The following PMFBP1 variants were observed in gnomAD, a reference collection of about 807,000 sequenced individuals.
PMFBP1 encodes the protein polyamine modulated factor 1 binding protein 1, also known as polyamine-modulated factor 1-binding protein 1.
Under a neutral mutation model 137.8 loss-of-function variants are expected in PMFBP1, and 131 were observed. The ratio of observed to expected loss-of-function variants is 0.95; its 90% CI spans 0.82 to 1.10. PMFBP1 has a LOEUF of 1.10. Among genes scored for constraint, PMFBP1 ranks in the 50% least tolerant of loss-of-function variants. The pLI, the probability that PMFBP1 is intolerant of heterozygous loss-of-function variation, is 0.00. For synonymous variants in PMFBP1, 490 were observed against 450.4 expected (o/e 1.09, Z -1.11); for missense variants, 1,199 against 1,175.4 (o/e 1.02, Z -0.29).
chr16:72,213,414 C>T, the PMFBP1 span, among the ~76,000 whole-genome samples: 1 of 152,182 alleles, frequency 6.6e-6, no homozygotes, highest in Non-Finnish European at 1.5e-5. Context: ...CACTTGCTTG[C>T]TCTGATGAAG....
At chr16:72,147,582 C>T (rs1471249436) in intron 5 of PMFBP1, among the ~76,000 whole-genome samples, 1 of 152,164 alleles carries the variant, frequency 6.6e-6, no homozygotes, top group Non-Finnish European at 1.5e-5. Context: ...GAGGCGTGAA[C>T]AGGCAACCTA....
chr16:72,200,211 C>T, the PMFBP1 span, among the ~76,000 whole-genome samples: 3 of 152,236 alleles, frequency 2.0e-5, no homozygotes, highest in Non-Finnish European at 4.4e-5. Context: ...CCTCTGACTC[C>T]TATCAGGGAC....
At chr16:72,189,359 C>T in the PMFBP1 span, among the ~76,000 whole-genome samples, 1 of 152,312 alleles carries the variant, frequency 6.6e-6, no homozygotes, top group East Asian at 1.9e-4. Context: ...ATGAATGGGA[C>T]AAGCTTGTTC....
the PMFBP1 span, among the ~76,000 whole-genome samples, chr16:72,229,982 G>A: frequency 1.3e-5 from 2 of 152,196 alleles, no homozygotes; most frequent in African/African-American, 4.8e-5. Context: ...ACACACCGCT[G>A]AAGGCTGGTG....
chr16:72,244,506 C>G, the PMFBP1 span, among the ~76,000 whole-genome samples: 1 of 152,290 alleles, frequency 6.6e-6, no homozygotes, highest in African/African-American at 2.4e-5. Flanking sequence ...TTCTCAGGTT[C>G]TACTGGGTCC....
At chr16:72,161,124 A>C (rs2043055943) in intron 3 of PMFBP1, among the ~76,000 whole-genome samples, 3 of 143,484 alleles carry the variant, frequency 2.1e-5, no homozygotes, top group African/African-American at 7.7e-5. Flanking sequence ...TTGAGATGGA[A>C]TCTCACTCTG....
the PMFBP1 span, among the ~76,000 whole-genome samples, chr16:72,184,233 G>A: frequency 6.6e-6 from 1 of 151,970 alleles, no homozygotes; most frequent in Admixed American, 6.6e-5. Flanking sequence ...GTTCTCTCTT[G>A]TCAGATTTCA....
the PMFBP1 span, among the ~76,000 whole-genome samples, chr16:72,198,914 A>G: frequency 6.6e-6 from 1 of 151,140 alleles, no homozygotes; most frequent in Non-Finnish European, 1.5e-5. Flanking sequence ...ATGAAGGCTG[A>G]TAAATCAGAA....
chr16:72,245,686 C>T, the PMFBP1 span, among the ~76,000 whole-genome samples: 1 of 152,192 alleles, frequency 6.6e-6, no homozygotes, highest in Non-Finnish European at 1.5e-5. Context: ...AGCCTGCTGT[C>T]ACAGGTGTAG....
the PMFBP1 span, among the ~76,000 whole-genome samples, chr16:72,187,260 A>G: frequency 6.6e-6 from 1 of 152,258 alleles, no homozygotes; most frequent in African/African-American, 2.4e-5. Context: ...ATGGTCCAGT[A>G]TCTTCCATCC....
In PMFBP1 at chr16:72,140,520, T is replaced by C; in HGVS notation, c.699A>G (p.Gln233=). The C allele has an allele frequency of 6.2e-7, 1 of 1,613,378 alleles. No homozygotes were observed. Among genetic ancestry groups the C allele is most frequent in the Non-Finnish European group, 8.5e-7 (1 of 1,179,294 alleles). Residue 233 remains glutamine (Q), a synonymous_variant, in exon 6 of 21, where the codon CAA becomes CAG. Coordinates refer to ENST00000237353, the MANE Select transcript of PMFBP1 (RefSeq NM_031293.3). ...GTCGTTTCTGAGTCTCCTGATGCTC[T>C]TGAATCATGCAAGGAGAAGTGTATA... ...VRIYTSPCMI[Q]EHQETQKRLS... is the part of the protein sequence containing the mutation.
At chr16:72,156,046 G>A (rs1273777069) in intron 3 of PMFBP1, among the ~76,000 whole-genome samples, 1 of 152,124 alleles carries the variant, frequency 6.6e-6, no homozygotes, top group African/African-American at 2.4e-5. Context: ...GAGTGTAGTG[G>A]TGTGATCTTG....
the PMFBP1 span, among the ~76,000 whole-genome samples, chr16:72,211,919 C>A: frequency 6.6e-6 from 1 of 152,054 alleles, no homozygotes; most frequent in Non-Finnish European, 1.5e-5. Context: ...ACTGCTTGAG[C>A]CTGGGAGGCA....
At chr16:72,135,367 T>TG (rs1447559734) in intron 9 of PMFBP1, among the ~76,000 whole-genome samples, 6 of 120,016 alleles carry the variant, frequency 5.0e-5, no homozygotes, top group Non-Finnish European at 1.2e-4. Flanking sequence ...GTGTTTTTTT[T>TG]TTTTTTTTTT....
At chr16:72,229,122 A>T in the PMFBP1 span, among the ~76,000 whole-genome samples, 1 of 151,916 alleles carries the variant, frequency 6.6e-6, no homozygotes, top group African/African-American at 2.4e-5. Flanking sequence ...TTCTGTTCCT[A>T]TGTTAGTGTG....
chr16:72,136,808 G>A lies in PMFBP1; in HGVS notation c.930C>T (p.His310=). The A allele has an allele frequency of 6.2e-7, 1 of 1,614,160 alleles. No homozygotes were observed. The highest frequency in any genetic ancestry group is 1.6e-4 in the Middle Eastern group (1 of 6,062). ...ECEDIKKILK[H]LQEQKDSQCL... ...ACTGGCTGTCTTTCTGCTCCTGCAAGTGCTTCAGTATCTGGCAGATGGAAG... is the reference window on the plus strand; with the variant it reads ...ACTGGCTGTCTTTCTGCTCCTGCAAATGCTTCAGTATCTGGCAGATGGAAG... The change falls in exon 8 of 21, where the codon CAC becomes CAT. Residue 310 remains histidine (H), a synonymous_variant. Transcript: ENST00000237353.
At chr16:72,245,344 C>T in the PMFBP1 span, among the ~76,000 whole-genome samples, 1 of 152,160 alleles carries the variant, frequency 6.6e-6, no homozygotes, top group Non-Finnish European at 1.5e-5. Flanking sequence ...TTCCATTTTA[C>T]AGGTGGGGGA....
chr16:72,147,470 A>G (rs2042826907), intron 5 of PMFBP1, among the ~76,000 whole-genome samples: 1 of 152,230 alleles, frequency 6.6e-6, no homozygotes, highest in Non-Finnish European at 1.5e-5. Flanking sequence ...ACGGGCAAAG[A>G]CTTCATGACT....
chr16:72,239,851 A>C, the PMFBP1 span, among the ~76,000 whole-genome samples: 1 of 142,888 alleles, frequency 7.0e-6, no homozygotes, highest in Non-Finnish European at 1.5e-5. Context: ...GCACCACTGC[A>C]CTCCAGCCTG....
Sources: allele counts gnomAD v4.1 joint callset (sites outside exome capture counted in the v4.1 genomes callset), GRCh38; gene constraint gnomAD v4.1.1; transcripts MANE v1.5; gene names NCBI Gene and HGNC (gene_info 2026-07-23, HGNC 2026-07-21).